The following ADCY2 variants were observed in gnomAD, a reference collection of about 807,000 sequenced individuals.
The protein encoded by ADCY2 is adenylate cyclase 2.
In ADCY2, 31 loss-of-function variants were observed where a neutral mutation model predicts 125.2. The ratio of observed to expected loss-of-function variants is 0.25; its 90% CI spans 0.19 to 0.33. The LOEUF (loss-of-function observed/expected upper bound fraction) is 0.33, where lower values mean the gene tolerates loss of function less well. Ranked by LOEUF, ADCY2 falls within the 10% of genes least tolerant of loss-of-function variation. ADCY2 has a pLI of 1.00. For synonymous variants in ADCY2, 512 were observed against 548.4 expected (o/e 0.93, Z 0.93); for missense variants, 904 against 1,418.2 (o/e 0.64, Z 5.82).
chr5:7,729,793 T>A (rs1335949241), intron 14 of ADCY2, among the ~76,000 whole-genome samples: 1 of 148,624 alleles, frequency 6.7e-6, no homozygotes, highest in Non-Finnish European at 1.5e-5. Flanking sequence ...TTAGTGATTA[T>A]CATTAAAATT....
chr5:7,581,344 G>A (rs897631462), intron 3 of ADCY2, among the ~76,000 whole-genome samples: 1 of 152,048 alleles, frequency 6.6e-6, no homozygotes, highest in Non-Finnish European at 1.5e-5. Context: ...ATACTGTATA[G>A]TAGAATTGGA....
chr5:7,618,052 A>C (rs1049772274), intron 3 of ADCY2, among the ~76,000 whole-genome samples: 6 of 152,200 alleles, frequency 3.9e-5, no homozygotes, highest in African/African-American at 1.4e-4. Context: ...CACAGCACTC[A>C]GTATTTTTCT....
intron 2 of ADCY2, among the ~76,000 whole-genome samples, chr5:7,468,737 G>A (rs1299107662): frequency 1.3e-5 from 2 of 152,102 alleles, no homozygotes; most frequent in Non-Finnish European, 2.9e-5. Context: ...CATAGAGGCC[G>A]TGAATTCACT....
intron 15 of ADCY2, 139 bp from the exon 16 acceptor site, chr5:7,757,310 C>A: frequency 9.1e-7 from 1 of 1,097,734 alleles, no homozygotes; most frequent in Non-Finnish European, 1.3e-6. Flanking sequence ...TCGTATGGGT[C>A]CCCAGGGGAG....
chr5:7,428,236 A>G (rs952515831), intron 2 of ADCY2, among the ~76,000 whole-genome samples: 1 of 152,234 alleles, frequency 6.6e-6, no homozygotes, highest in African/African-American at 2.4e-5. Context: ...TCATACTAGC[A>G]GGAGGGAATC....
intron 2 of ADCY2, among the ~76,000 whole-genome samples, chr5:7,517,850 T>G (rs966320068): frequency 2.6e-5 from 4 of 152,192 alleles, no homozygotes; most frequent in African/African-American, 9.7e-5. Context: ...TACTCAAAAG[T>G]TATGATAATT....
At chr5:7,547,198 T>C (rs1268529775) in intron 3 of ADCY2, among the ~76,000 whole-genome samples, 1 of 152,166 alleles carries the variant, frequency 6.6e-6, no homozygotes, top group Non-Finnish European at 1.5e-5. Context: ...ACTGCTGGCT[T>C]TCTTACTTGA....
intron 15 of ADCY2, among the ~76,000 whole-genome samples, chr5:7,745,018 A>C (rs1349469724): frequency 6.6e-6 from 1 of 152,194 alleles, no homozygotes; most frequent in Non-Finnish European, 1.5e-5. Context: ...GCTTCTATGA[A>C]AGAATTTTTT....
intron 3 of ADCY2, among the ~76,000 whole-genome samples, chr5:7,535,489 T>G (rs1009020714): frequency 9.2e-5 from 14 of 152,252 alleles, no homozygotes; most frequent in African/African-American, 3.1e-4. Context: ...TAGGCAGTTC[T>G]TTCTTGTTGC....
intron 23 of ADCY2, among the ~76,000 whole-genome samples, chr5:7,819,812 C>A (rs1409596497): frequency 6.6e-6 from 1 of 152,196 alleles, no homozygotes; most frequent in South Asian, 2.1e-4. Context: ...TCCTTTTCAG[C>A]ATATCTAGCT....
At chr5:7,483,847 A>G (rs1192912350) in intron 2 of ADCY2, among the ~76,000 whole-genome samples, 1 of 152,202 alleles carries the variant, frequency 6.6e-6, no homozygotes, top group African/African-American at 2.4e-5. Flanking sequence ...CTTTTACTCT[A>G]TCAAGCCTTG....
intron 7 of ADCY2, among the ~76,000 whole-genome samples, chr5:7,702,300 A>C (rs930327095): frequency 6.7e-6 from 1 of 149,390 alleles, no homozygotes; most frequent in Non-Finnish European, 1.5e-5. Context: ...ATATATGTAT[A>C]CATGTGCCAT....
At chr5:7,823,781 G>A (rs1745376340) in intron 24 of ADCY2, among the ~76,000 whole-genome samples, 1 of 152,222 alleles carries the variant, frequency 6.6e-6, no homozygotes, top group Non-Finnish European at 1.5e-5. Context: ...GCAGGTCATG[G>A]AGAGTGCTCC....
intron 3 of ADCY2, among the ~76,000 whole-genome samples, chr5:7,621,228 C>A (rs1018702137): frequency 6.6e-6 from 1 of 152,140 alleles, no homozygotes; most frequent in Non-Finnish European, 1.5e-5. Context: ...CAGCCTGACC[C>A]TCCCCTCACT....
intron 19 of ADCY2, among the ~76,000 whole-genome samples, chr5:7,787,791 AG>A (rs1553989111): frequency 6.6e-6 from 1 of 152,158 alleles, no homozygotes; most frequent in Non-Finnish European, 1.5e-5. Context: ...TTTTTTTAGT[AG>A]GAGACTTACA....
In ADCY2 at chr5:7,722,267, A is replaced by G. The variant is rs182301922; in HGVS notation, c.1704-2278A>G. Among the ~76,000 whole-genome samples, 14 of 152,286 alleles carry G rather than the reference A, an allele frequency of 9.2e-5. No individual in the cohort carries two copies. In the East Asian group the frequency reaches 2.3e-3, roughly 25 times the overall value. ...GCCGTCCACCTGTAGGTCACAGGCC[A>G]TGGAAACCTAGACTGGGTGCATGCT... On this transcript the variant is annotated intron_variant, in intron 12 of 24. Coordinates refer to ENST00000338316, the MANE Select transcript of ADCY2 (RefSeq NM_020546.3).
chr5:7,777,889 A>G lies in ADCY2; in HGVS notation c.2384+4788A>G, dbSNP rs367752227. ...ACCACTCAGAGAGAGTGTGCCATTG[A>G]AAATCCATTAGGAAGGAGGTCAGGA... On this transcript the variant is annotated intron_variant, in intron 18 of 24. Transcript: ENST00000338316. Among the ~76,000 whole-genome samples, 28 of 152,298 alleles carry G rather than the reference A, an allele frequency of 1.8e-4. No individual in the cohort carries two copies. In the East Asian group the frequency reaches 2.9e-3, roughly 16 times the overall value.
intron 4 of ADCY2, among the ~76,000 whole-genome samples, chr5:7,677,015 A>T (rs1740149327): frequency 6.6e-6 from 1 of 152,098 alleles, no homozygotes; most frequent in Non-Finnish European, 1.5e-5. Flanking sequence ...GGTGGCTCAC[A>T]CCTGTAATCC....
At chr5:7,436,684 G>T (rs1250667666) in intron 2 of ADCY2, among the ~76,000 whole-genome samples, 1 of 152,234 alleles carries the variant, frequency 6.6e-6, no homozygotes, top group Non-Finnish European at 1.5e-5. Context: ...CTTTGGCAAG[G>T]AATTGCCTGC....
Sources: allele counts gnomAD v4.1 joint callset (sites outside exome capture counted in the v4.1 genomes callset), GRCh38; gene constraint gnomAD v4.1.1; transcripts MANE v1.5; gene names NCBI Gene and HGNC (gene_info 2026-07-23, HGNC 2026-07-21).